The following PARD3 variants were observed in gnomAD, a reference collection of about 807,000 sequenced individuals.
PARD3 encodes par-3 family cell polarity regulator.
Under a neutral mutation model 155.4 loss-of-function variants are expected in PARD3, and 75 were observed. The observed-to-expected ratio is 0.48, with a 90% CI of 0.40 to 0.58. The LOEUF (loss-of-function observed/expected upper bound fraction) is 0.58, where lower values mean the gene tolerates loss of function less well. Ranked by LOEUF, PARD3 falls within the 20% of genes least tolerant of loss-of-function variation. The pLI, the probability that PARD3 is intolerant of heterozygous loss-of-function variation, is 0.00. For synonymous variants in PARD3, 576 were observed against 610.5 expected (o/e 0.94, Z 0.83); for missense variants, 1,642 against 1,721.7 (o/e 0.95, Z 0.82).
intron 5 of PARD3, among the ~76,000 whole-genome samples, chr10:34,448,241 T>C (rs2076864932): frequency 6.6e-6 from 1 of 150,932 alleles, no homozygotes; most frequent in Non-Finnish European, 1.5e-5. Flanking sequence ...ACAACATGGA[T>C]GAACCTAAAG....
intron 2 of PARD3, among the ~76,000 whole-genome samples, chr10:34,689,319 G>A (rs2094007837): frequency 2.0e-5 from 3 of 152,224 alleles, no homozygotes; most frequent in East Asian, 1.9e-4. Flanking sequence ...TGAATAATGC[G>A]TCCAGCCATG....
chr10:34,806,515 A>G (rs1477122114), intron 1 of PARD3, among the ~76,000 whole-genome samples: 1 of 151,818 alleles, frequency 6.6e-6, no homozygotes, highest in Non-Finnish European at 1.5e-5. Context: ...TTTTAAAAAG[A>G]GACGGGGTCT....
At chr10:34,495,951 C>T (rs956276933) in intron 3 of PARD3, among the ~76,000 whole-genome samples, 2 of 151,818 alleles carry the variant, frequency 1.3e-5, no homozygotes, top group African/African-American at 4.8e-5. Flanking sequence ...GCCTGTAATA[C>T]CAGCACTTTG....
intron 22 of PARD3, among the ~76,000 whole-genome samples, chr10:34,192,779 C>A (rs1415440886): frequency 6.6e-6 from 1 of 152,144 alleles, no homozygotes; most frequent in African/African-American, 2.4e-5. Flanking sequence ...TGTGTTATCT[C>A]CAGGCTTTCT....
chr10:34,427,446 C>G (rs1024801338), intron 5 of PARD3, among the ~76,000 whole-genome samples: 1 of 152,160 alleles, frequency 6.6e-6, no homozygotes, highest in Admixed American at 6.5e-5. Context: ...GAAATTCCAG[C>G]CTGGCGAATT....
intron 22 of PARD3, among the ~76,000 whole-genome samples, chr10:34,217,734 T>C (rs924665837): frequency 6.6e-6 from 1 of 152,180 alleles, no homozygotes; most frequent in Non-Finnish European, 1.5e-5. Flanking sequence ...TCGTGGGATA[T>C]TTATTCAGTT....
intron 2 of PARD3, among the ~76,000 whole-genome samples, chr10:34,566,839 A>G (rs2085983862): frequency 1.3e-5 from 2 of 152,194 alleles, no homozygotes; most frequent in South Asian, 4.1e-4. Context: ...GTTGAAGCCA[A>G]TATTGCTTAA....
chr10:34,472,544 T>G (rs1159890870), intron 3 of PARD3, among the ~76,000 whole-genome samples: 6 of 152,184 alleles, frequency 3.9e-5, no homozygotes, highest in Admixed American at 2.6e-4. Flanking sequence ...TTAGACAATG[T>G]TATTACTTAG....
intron 2 of PARD3, among the ~76,000 whole-genome samples, chr10:34,645,336 G>C (rs1050824381): frequency 3.3e-5 from 5 of 151,982 alleles, no homozygotes; most frequent in African/African-American, 1.2e-4. Context: ...CTCCCCAGTA[G>C]CTGGAATTAC....
At chr10:34,716,742 G>A (rs1334438105) in intron 1 of PARD3, among the ~76,000 whole-genome samples, 4 of 151,780 alleles carry the variant, frequency 2.6e-5, no homozygotes, top group Admixed American at 6.6e-5. Context: ...ACAGGCATGC[G>A]CCACCACCCC....
At chr10:34,407,385 G>A (rs548186443) in intron 5 of PARD3, among the ~76,000 whole-genome samples, 2 of 152,262 alleles carry the variant, frequency 1.3e-5, no homozygotes, top group African/African-American at 4.8e-5. Context: ...CTGTGCAGGA[G>A]CCATTCTCTT....
chr10:34,441,706 C>A lies in PARD3; in HGVS notation c.714+8611G>T, dbSNP rs144338739. The stretch of plus-strand genomic sequence containing the variant: ...CCACTGTGGTTTCTAGTCCAGAATT[C>A]TTGGATAATAAAAGCAGAAAATATG... On this transcript the variant is annotated intron_variant, in intron 5 of 24. Transcript: ENST00000374788. Among the ~76,000 whole-genome samples, 297 of 152,274 alleles carry A rather than the reference C, an allele frequency of 2.0e-3. 3 individuals are homozygous for A. The highest frequency in any genetic ancestry group is 6.7e-3 in the African/African-American group (277 of 41,558).
chr10:34,439,661 T>C (rs1174349018), intron 5 of PARD3, among the ~76,000 whole-genome samples: 4 of 152,040 alleles, frequency 2.6e-5, no homozygotes, highest in Admixed American at 2.0e-4. Context: ...TTCATCATGT[T>C]GGCAAGGCTG....
intron 22 of PARD3, among the ~76,000 whole-genome samples, chr10:34,137,577 CATT>C (rs1947967468): frequency 6.6e-6 from 1 of 152,202 alleles, no homozygotes; most frequent in Admixed American, 6.5e-5. Context: ...ACGAACACTC[CATT>C]GTTGTTGGCC....
At chr10:34,760,999 A>T (rs1837375836) in intron 1 of PARD3, among the ~76,000 whole-genome samples, 1 of 152,206 alleles carries the variant, frequency 6.6e-6, no homozygotes, top group Admixed American at 6.5e-5. Flanking sequence ...GATAATTAAT[A>T]TATTTCTTTA....
intron 2 of PARD3, among the ~76,000 whole-genome samples, chr10:34,548,367 T>C (rs1028516583): frequency 4.0e-5 from 6 of 151,786 alleles, no homozygotes; most frequent in Non-Finnish European, 8.8e-5. Context: ...GGCATGGTGG[T>C]ACATGACTGT....
chr10:34,146,128 C>T (rs1032483793), intron 22 of PARD3, among the ~76,000 whole-genome samples: 1 of 152,142 alleles, frequency 6.6e-6, no homozygotes. Context: ...ATATCTCATT[C>T]TGTTTCTTGT....
At chr10:34,134,969 T>C (rs181658747) in intron 22 of PARD3, among the ~76,000 whole-genome samples, 1 of 152,234 alleles carries the variant, frequency 6.6e-6, no homozygotes, top group Admixed American at 6.5e-5. Flanking sequence ...AAATTTTAAA[T>C]ATTCATTAGC....
intron 1 of PARD3, among the ~76,000 whole-genome samples, chr10:34,702,642 CT>C (rs1456412508): frequency 6.6e-6 from 1 of 152,320 alleles, no homozygotes; most frequent in East Asian, 1.9e-4. Flanking sequence ...TCTGCTTCCA[CT>C]TGCTCTCAGA....
Sources: allele counts gnomAD v4.1 joint callset (sites outside exome capture counted in the v4.1 genomes callset), GRCh38; gene constraint gnomAD v4.1.1; transcripts MANE v1.5; gene names NCBI Gene and HGNC (gene_info 2026-07-23, HGNC 2026-07-21).